The following ITGBL1 variants were observed in gnomAD, a reference collection of about 807,000 sequenced individuals.
ITGBL1 encodes the protein integrin subunit beta like 1, also known as integrin beta-like protein 1.
Under a neutral mutation model 68.5 loss-of-function variants are expected in ITGBL1, and 51 were observed. The observed-to-expected ratio is 0.74, with a 90% CI of 0.59 to 0.94. ITGBL1 has a LOEUF of 0.94. Among genes scored for constraint, ITGBL1 ranks in the 40% least tolerant of loss-of-function variants. ITGBL1 has a pLI of 0.00. For synonymous variants in ITGBL1, 209 were observed against 227.3 expected, an observed-to-expected ratio of 0.92 and a Z score of 0.72; for missense variants, 649 against 647.4, an observed-to-expected ratio of 1.00 and a Z score of -0.03.
At position 101,457,532 on chromosome 13, in the gene ITGBL1, A is replaced by G. The variant is rs150357682; in HGVS notation, c.316+3432A>G. Among the ~76,000 whole-genome samples the G allele has an allele frequency of 2.7e-3, 413 of 152,318 alleles. 2 individuals are homozygous for G. The highest frequency in any genetic ancestry group is 3.8e-3 in the Non-Finnish European group (256 of 68,028). On this transcript the variant is annotated intron_variant, in intron 2 of 10. Coordinates refer to ENST00000376180, the MANE Select transcript of ITGBL1 (RefSeq NM_004791.3). Reference sequence around the variant, plus strand: ...CTTCCAGTGTCCACTTGTTCGTGGCACATGCATCTTCCACAGACTTTTATA... The same window carrying G: ...CTTCCAGTGTCCACTTGTTCGTGGCGCATGCATCTTCCACAGACTTTTATA...
intron 2 of ITGBL1, among the ~76,000 whole-genome samples, chr13:101,472,232 ATATGCCACTT>A (rs553431994): frequency 5.9e-4 from 90 of 152,318 alleles, no homozygotes; most frequent in African/African-American, 2.0e-3. Flanking sequence ...AATATATCCA[ATATGCCACTT>A]TATGGCACCT....
chr13:101,663,626 T>G (rs1459718001), intron 7 of ITGBL1, among the ~76,000 whole-genome samples: 1 of 152,180 alleles, frequency 6.6e-6, no homozygotes, highest in African/African-American at 2.4e-5. Context: ...TAATGTTCCA[T>G]TTGACTGTCA....
chr13:101,623,011 G>C (rs1230953503), intron 7 of ITGBL1, among the ~76,000 whole-genome samples: 1 of 151,372 alleles, frequency 6.6e-6, no homozygotes, highest in Non-Finnish European at 1.5e-5. Flanking sequence ...CATTATTTAT[G>C]CTTGTTTTCT....
chr13:101,674,212 C>G (rs1001350737), intron 7 of ITGBL1, among the ~76,000 whole-genome samples: 1 of 152,220 alleles, frequency 6.6e-6, no homozygotes, highest in Non-Finnish European at 1.5e-5. Flanking sequence ...GCACACGCTT[C>G]TGTGAGGATA....
At chr13:101,581,828 A>G (rs1160577086) in intron 5 of ITGBL1, among the ~76,000 whole-genome samples, 3 of 152,222 alleles carry the variant, frequency 2.0e-5, no homozygotes, top group Non-Finnish European at 4.4e-5. Context: ...ACACAGATAT[A>G]AAAAGTACAT....
At position 101,453,879 on chromosome 13, in the gene ITGBL1, G is replaced by T. The variant is rs1315080900; in HGVS notation, c.99-4G>T. 2.4e-6 allele frequency: 3 copies of T among 1,239,732 alleles called. No individual in the cohort carries two copies. Among genetic ancestry groups the T allele is most frequent in the South Asian group, 3.9e-5 (1 of 25,744 alleles). 76.8% of individuals were successfully genotyped at this position (1,239,732 alleles called of 1,614,324 possible). On this transcript the variant is annotated splice_polypyrimidine_tract_variant and splice_region_variant and intron_variant, in intron 1 of 10. Transcript: ENST00000376180. Reference sequence around the variant, plus strand: ...GGCCTGCCGGTTGCTTGTCGCCCGCGCAGGAGCTGGCCGGGCGCCGCCTGC... The same window carrying T: ...GGCCTGCCGGTTGCTTGTCGCCCGCTCAGGAGCTGGCCGGGCGCCGCCTGC...
At chr13:101,692,876 C>G (rs545927046) in intron 8 of ITGBL1, 175 bp downstream of exon 8, 26 of 594,510 alleles carry the variant, frequency 4.4e-5, no homozygotes, top group African/African-American at 4.3e-4. Context: ...TTTTATTTCC[C>G]TGAACTCTTT....
At chr13:101,455,100 A>C (rs1382726107) in intron 2 of ITGBL1, among the ~76,000 whole-genome samples, 2 of 152,206 alleles carry the variant, frequency 1.3e-5, no homozygotes, top group Non-Finnish European at 2.9e-5. Context: ...AATGCATTCC[A>C]GCCAGGGTTT....
intron 2 of ITGBL1, among the ~76,000 whole-genome samples, chr13:101,540,313 T>C (rs989543003): frequency 1.3e-5 from 2 of 152,102 alleles, no homozygotes; most frequent in Non-Finnish European, 2.9e-5. Context: ...ATAGGGAATC[T>C]TTTCCCCATT....
chr13:101,690,955 C>A (rs566266576), intron 7 of ITGBL1, among the ~76,000 whole-genome samples: 46 of 152,138 alleles, frequency 3.0e-4, no homozygotes, highest in Non-Finnish European at 5.9e-4. Flanking sequence ...CAACTTTGAA[C>A]AATTAGCTCC....
intron 7 of ITGBL1, among the ~76,000 whole-genome samples, chr13:101,655,706 G>T (rs1289800134): frequency 6.6e-6 from 1 of 152,194 alleles, no homozygotes; most frequent in Non-Finnish European, 1.5e-5. Flanking sequence ...AAATCGGATA[G>T]TCACAACTCT....
chr13:101,591,324 T>G (rs542806150), intron 6 of ITGBL1, among the ~76,000 whole-genome samples: 55 of 152,246 alleles, frequency 3.6e-4, no homozygotes, highest in African/African-American at 1.3e-3. Flanking sequence ...TCTAATCATA[T>G]TCATATGTCA....
intron 7 of ITGBL1, among the ~76,000 whole-genome samples, chr13:101,678,221 A>G (rs1278400951): frequency 6.6e-6 from 1 of 152,194 alleles, no homozygotes; most frequent in Non-Finnish European, 1.5e-5. Flanking sequence ...TATGTATGCA[A>G]TATTCTTTCT....
rs567647634 is a variant in ITGBL1 at position 101,554,584 on chromosome 13, A to G, written c.317-13115A>G. Among the ~76,000 whole-genome samples, 3 of 152,320 alleles carry G rather than the reference A, an allele frequency of 2.0e-5. No individual in the cohort carries two copies. The East Asian group carries it at 5.8e-4, about 29-fold the overall frequency. On this transcript the variant is annotated intron_variant, in intron 2 of 10. Coordinates refer to ENST00000376180, the MANE Select transcript of ITGBL1 (RefSeq NM_004791.3). ...ATGAGCCATGCTGCGTCTGTGGAAC[A>G]TTTGGTGGCCTATGTCAGGCATGTG...
At chr13:101,526,723 A>C (rs1209425589) in intron 2 of ITGBL1, among the ~76,000 whole-genome samples, 2 of 150,830 alleles carry the variant, frequency 1.3e-5, no homozygotes, top group Admixed American at 1.3e-4. Context: ...TTAGCACCCA[A>C]ATTAAACACT....
At chr13:101,557,634 G>A (rs1040620486) in intron 2 of ITGBL1, among the ~76,000 whole-genome samples, 7 of 151,832 alleles carry the variant, frequency 4.6e-5, no homozygotes, top group Non-Finnish European at 1.0e-4. Context: ...CACCTATCTC[G>A]GGTCTCCTAT....
chr13:101,454,505 T>G (rs2048214667), intron 2 of ITGBL1, among the ~76,000 whole-genome samples: 1 of 151,732 alleles, frequency 6.6e-6, no homozygotes, highest in South Asian at 2.1e-4. Flanking sequence ...GTCATTTGCT[T>G]AATTCTAAAA....
chr13:101,583,438 A>G, intron 6 of ITGBL1, 82 bp downstream of exon 6: 1 of 1,189,096 alleles, frequency 8.4e-7, no homozygotes, highest in South Asian at 1.8e-5. Flanking sequence ...AAGCAATTAG[A>G]AAGAATAAAT....
chr13:101,580,971 G>A (rs1419659402), intron 5 of ITGBL1, among the ~76,000 whole-genome samples: 1 of 152,168 alleles, frequency 6.6e-6, no homozygotes, highest in Non-Finnish European at 1.5e-5. Flanking sequence ...AGATTCAGGG[G>A]TACTTGAAGA....
Sources: allele counts gnomAD v4.1 joint callset (sites outside exome capture counted in the v4.1 genomes callset), GRCh38; gene constraint gnomAD v4.1.1; transcripts MANE v1.5; gene names NCBI Gene and HGNC (gene_info 2026-07-23, HGNC 2026-07-21).